Variants in GRM7 observed in about 807,000 individuals in gnomAD.
GRM7 encodes metabotropic glutamate receptor 7.
GRM7 carries 35 observed loss-of-function variants against 84.5 expected under a neutral mutation model. That is an observed-to-expected ratio of 0.41 (90% CI 0.32 to 0.55). The LOEUF (loss-of-function observed/expected upper bound fraction) is 0.55, where lower values mean the gene tolerates loss of function less well. Ranked by LOEUF, GRM7 falls within the 20% of genes least tolerant of loss-of-function variation. GRM7 has a pLI of 0.19. For synonymous variants in GRM7, 487 were observed against 455.1 expected (o/e 1.07, Z -0.89); for missense variants, 1,003 against 1,194.6 (o/e 0.84, Z 2.36).
chr3:7,624,083 C>T (rs571125080), intron 8 of GRM7, among the ~76,000 whole-genome samples: 2 of 152,184 alleles, frequency 1.3e-5, no homozygotes, highest in African/African-American at 4.8e-5. Flanking sequence ...CTTAGGTCCT[C>T]TATAATATAC....
At chr3:7,493,954 T>G (rs902077921) in intron 7 of GRM7, among the ~76,000 whole-genome samples, 4 of 152,092 alleles carry the variant, frequency 2.6e-5, no homozygotes, top group Non-Finnish European at 4.4e-5. Flanking sequence ...TAGGTCCCTT[T>G]CTTTTCTCCA....
chr3:7,394,110 A>G (rs1272603333), intron 4 of GRM7, among the ~76,000 whole-genome samples: 1 of 152,278 alleles, frequency 6.6e-6, no homozygotes, highest in Non-Finnish European at 1.5e-5. Context: ...AACACGCCCA[A>G]GTCCACACAG....
intron 5 of GRM7, among the ~76,000 whole-genome samples, chr3:7,452,066 A>T (rs1697793008): frequency 1.3e-5 from 2 of 152,166 alleles, no homozygotes; most frequent in African/African-American, 4.8e-5. Context: ...GACTGCTAGA[A>T]TTCATTAGAC....
chr3:7,714,834 A>G (rs1701716128), intron 9 of GRM7, among the ~76,000 whole-genome samples: 1 of 152,204 alleles, frequency 6.6e-6, no homozygotes, highest in Non-Finnish European at 1.5e-5. Context: ...TATTGGTGCA[A>G]CAGTGTTGAA....
intron 4 of GRM7, among the ~76,000 whole-genome samples, chr3:7,363,601 TA>T (rs1220541962): frequency 6.6e-6 from 1 of 152,130 alleles, no homozygotes; most frequent in Non-Finnish European, 1.5e-5. Flanking sequence ...TTAACACTTA[TA>T]AAGATGATGA....
chr3:7,702,565 T>C (rs1460451539), intron 9 of GRM7, among the ~76,000 whole-genome samples: 2 of 152,254 alleles, frequency 1.3e-5, no homozygotes, highest in Non-Finnish European at 2.9e-5. Context: ...GCTATTGTTA[T>C]CTAAAGGTGT....
At chr3:7,166,487 C>A (rs1225786807) in intron 2 of GRM7, among the ~76,000 whole-genome samples, 1 of 152,122 alleles carries the variant, frequency 6.6e-6, no homozygotes, top group African/African-American at 2.4e-5. Flanking sequence ...CTCACGTGAA[C>A]CCTCCCTTAC....
chr3:7,495,287 G>C (rs909825371), intron 7 of GRM7, among the ~76,000 whole-genome samples: 10 of 152,120 alleles, frequency 6.6e-5, no homozygotes, highest in African/African-American at 2.2e-4. Flanking sequence ...GCTTGGTGGA[G>C]GAGCACTGTG....
At chr3:7,483,868 G>A (rs1010127892) in intron 7 of GRM7, among the ~76,000 whole-genome samples, 2 of 151,794 alleles carry the variant, frequency 1.3e-5, no homozygotes, top group Non-Finnish European at 2.9e-5. Flanking sequence ...ACGCAAAATG[G>A]ACATTAAAAA....
intron 1 of GRM7, among the ~76,000 whole-genome samples, chr3:6,875,182 AT>A (rs1461281093): frequency 6.7e-6 from 1 of 150,028 alleles, no homozygotes; most frequent in Non-Finnish European, 1.5e-5. Flanking sequence ...AATTGTAGCT[AT>A]TTTTTTAAAT....
At position 7,736,727 on chromosome 3, in the gene GRM7, G is replaced by C. The variant is rs575358860; in HGVS notation, c.2699-3630G>C. Among the ~76,000 whole-genome samples the C allele has an allele frequency of 9.4e-4, 143 of 152,218 alleles. No homozygotes were observed. In the Middle Eastern group the frequency reaches 0.01, roughly 11 times the overall value. ...CCTATGAGTGGATGGAGGGGCACCT[G>C]AATCAAGATGTCAGTATGTCAAAGT... is the stretch of plus-strand genomic sequence containing the variant. On this transcript the variant is annotated intron_variant, in intron 9 of 9. Transcript: ENST00000357716.
chr3:7,186,526 G>T (rs992374841), intron 2 of GRM7, among the ~76,000 whole-genome samples: 3 of 152,106 alleles, frequency 2.0e-5, no homozygotes, highest in Non-Finnish European at 4.4e-5. Flanking sequence ...AACGAATAAG[G>T]CCAGGGCATA....
At chr3:6,876,477 A>AC (rs1310275840) in intron 1 of GRM7, among the ~76,000 whole-genome samples, 1 of 151,506 alleles carries the variant, frequency 6.6e-6, no homozygotes, top group Non-Finnish European at 1.5e-5. Context: ...TGTTATTATG[A>AC]CCCCCATAGT....
chr3:6,886,627 A>G (rs1226180636), intron 1 of GRM7, among the ~76,000 whole-genome samples: 2 of 151,942 alleles, frequency 1.3e-5, no homozygotes, highest in South Asian at 2.1e-4. Context: ...TTTTTTCTGT[A>G]AAAAAATACT....
chr3:7,170,920 C>A (rs17288561), intron 2 of GRM7, among the ~76,000 whole-genome samples: 1 of 151,918 alleles, frequency 6.6e-6, no homozygotes, highest in South Asian at 2.1e-4. Flanking sequence ...GTACAGGCCA[C>A]CTTTCAAAGC....
intron 8 of GRM7, among the ~76,000 whole-genome samples, chr3:7,598,984 T>A (rs1244629919): frequency 6.6e-6 from 1 of 152,126 alleles, no homozygotes; most frequent in African/African-American, 2.4e-5. Context: ...TTCTTAAATC[T>A]CCATAAATTC....
chr3:7,072,902 C>T (rs976849855), intron 1 of GRM7, among the ~76,000 whole-genome samples: 3 of 152,080 alleles, frequency 2.0e-5, no homozygotes, highest in African/African-American at 7.2e-5. Context: ...AGGCTAAAGT[C>T]GTAATAGATT....
intron 4 of GRM7, among the ~76,000 whole-genome samples, chr3:7,366,776 TATTA>T (rs1323953050): frequency 6.6e-6 from 1 of 151,876 alleles, no homozygotes; most frequent in Non-Finnish European, 1.5e-5. Context: ...GATTTCTGTA[TATTA>T]ATTATCACTC....
chr3:7,396,480 C>T (rs1345509337), intron 4 of GRM7, among the ~76,000 whole-genome samples: 1 of 152,170 alleles, frequency 6.6e-6, no homozygotes, highest in African/African-American at 2.4e-5. Flanking sequence ...TCATCTTCTG[C>T]ATCTTAAATT....
Sources: allele counts gnomAD v4.1 joint callset (sites outside exome capture counted in the v4.1 genomes callset), GRCh38; gene constraint gnomAD v4.1.1; transcripts MANE v1.5; gene names NCBI Gene and HGNC (gene_info 2026-07-23, HGNC 2026-07-21).